TMC1: variants seen among roughly 807,000 people sequenced by gnomAD.
TMC1 encodes transmembrane channel-like protein 1.
In TMC1, 84 loss-of-function variants were observed where a neutral mutation model predicts 105.8. The observed-to-expected ratio is 0.79, with a 90% CI of 0.67 to 0.95. TMC1 has a LOEUF of 0.95. TMC1 is among the 40% of genes least tolerant of loss of function. TMC1 has a pLI of 0.00. For synonymous variants in TMC1, 315 were observed against 311.5 expected, an observed-to-expected ratio of 1.01 and a Z score of -0.12; for missense variants, 817 against 914.1, an observed-to-expected ratio of 0.89 and a Z score of 1.37.
intron 12 of TMC1, among the ~76,000 whole-genome samples, chr9:72,770,819 T>C (rs1222241808): frequency 1.3e-5 from 2 of 152,012 alleles, no homozygotes; most frequent in Admixed American, 1.3e-4. Flanking sequence ...AGATGAGATG[T>C]CCCAGCTCAA....
At chr9:72,522,291 C>T (rs1308734097) in intron 1 of TMC1, among the ~76,000 whole-genome samples, 3 of 152,048 alleles carry the variant, frequency 2.0e-5, no homozygotes, top group African/African-American at 4.8e-5. Context: ...TTAGTAGAGA[C>T]GGGGTTTCGC....
chr9:72,816,110 A>G, intron 18 of TMC1, 33 bp from the exon 19 acceptor site: 1 of 1,604,252 alleles, frequency 6.2e-7, no homozygotes, highest in Non-Finnish European at 8.5e-7. Flanking sequence ...ACCATGTGAG[A>G]CGCTAATCCA....
intron 2 of TMC1, among the ~76,000 whole-genome samples, chr9:72,592,568 G>T (rs1824656250): frequency 6.6e-6 from 1 of 152,114 alleles, no homozygotes; most frequent in East Asian, 1.9e-4. Flanking sequence ...CACCTCTCAG[G>T]CTTGGTCATG....
At chr9:72,721,057 A>G (rs1343143748) in intron 8 of TMC1, among the ~76,000 whole-genome samples, 1 of 152,234 alleles carries the variant, frequency 6.6e-6, no homozygotes, top group Non-Finnish European at 1.5e-5. Context: ...TCTATTATTA[A>G]GAATTTTAAG....
At chr9:72,616,863 T>C (rs1825139878) in intron 3 of TMC1, among the ~76,000 whole-genome samples, 1 of 152,024 alleles carries the variant, frequency 6.6e-6, no homozygotes, top group African/African-American at 2.4e-5. Context: ...GCTGGCTAGC[T>C]TTCATGGGAG....
At chr9:72,589,811 ACTT>A (rs1224044480) in intron 2 of TMC1, among the ~76,000 whole-genome samples, 20 of 152,218 alleles carry the variant, frequency 1.3e-4, no homozygotes, top group African/African-American at 4.6e-4. Context: ...TTTAGATGGA[ACTT>A]CTTCATTTTG....
chr9:72,820,579 T>C (rs1828850882), intron 19 of TMC1, among the ~76,000 whole-genome samples: 1 of 152,242 alleles, frequency 6.6e-6, no homozygotes, highest in South Asian at 2.1e-4. Context: ...TCACTAATGA[T>C]AGTAGGTATA....
intron 2 of TMC1, among the ~76,000 whole-genome samples, chr9:72,596,593 C>T (rs1644527912): frequency 7.1e-6 from 1 of 141,354 alleles, no homozygotes; most frequent in Admixed American, 7.0e-5. Context: ...ATTGAAAGTA[C>T]TTGCTTTCTC....
rs190229353 is a variant in TMC1 at position 72,769,322 on chromosome 9, A to C, written c.742-3091A>C. Among the ~76,000 whole-genome samples, 1,259 of 152,346 alleles carry C rather than the reference A, an allele frequency of 8.3e-3. 7 individuals are homozygous for C. The highest frequency in any genetic ancestry group is 0.013 in the Non-Finnish European group (860 of 68,036). Reference sequence around the variant, plus strand: ...ACAAGATTGTGAGCTCACCGGAAATATAACAAAGGGTAAGACCAGTGAAGG... The same window carrying C: ...ACAAGATTGTGAGCTCACCGGAAATCTAACAAAGGGTAAGACCAGTGAAGG... On this transcript the variant is annotated intron_variant, in intron 12 of 23. Transcript: ENST00000297784.
rs115310780 is a variant in TMC1 at position 72,643,262 on chromosome 9, G to A, written c.-52-5335G>A. Among the ~76,000 whole-genome samples the A allele has an allele frequency of 9.3e-3, 1,410 of 151,964 alleles. 25 individuals are homozygous for A. The highest frequency in any genetic ancestry group is 0.032 in the African/African-American group (1,319 of 41,440). On this transcript the variant is annotated intron_variant, in intron 4 of 23. Coordinates refer to ENST00000297784, the MANE Select transcript of TMC1 (RefSeq NM_138691.3). ...TATTTCATAACATACTCTCATTTGG[G>A]CCCATGCATGGCTTGTATTTCAATA...
intron 2 of TMC1, among the ~76,000 whole-genome samples, chr9:72,591,732 A>ATTTTT: frequency 6.6e-6 from 1 of 151,562 alleles, no homozygotes; most frequent in African/African-American, 2.4e-5. Context: ...CACCATGGCT[A>ATTTTT]TTTGTTTGTT....
At chr9:72,624,381 A>G (rs1474223889) in intron 3 of TMC1, among the ~76,000 whole-genome samples, 1 of 152,108 alleles carries the variant, frequency 6.6e-6, no homozygotes, top group East Asian at 1.9e-4. Flanking sequence ...TTATTTCCGT[A>G]GGGTTGTCCA....
chr9:72,529,411 C>G (rs1440055416), intron 1 of TMC1, among the ~76,000 whole-genome samples: 1 of 152,138 alleles, frequency 6.6e-6, no homozygotes, highest in African/African-American at 2.4e-5. Context: ...TGAATAGTCA[C>G]TGCACACTAG....
chr9:72,790,628 CTA>C (rs1828251359), intron 15 of TMC1, among the ~76,000 whole-genome samples: 8 of 152,028 alleles, frequency 5.3e-5, no homozygotes, highest in Admixed American at 5.2e-4. Flanking sequence ...AATAAAATAA[CTA>C]TTCTTTGTAA....
intron 2 of TMC1, among the ~76,000 whole-genome samples, chr9:72,605,389 G>A (rs941537481): frequency 1.3e-5 from 2 of 152,056 alleles, no homozygotes; most frequent in Admixed American, 6.6e-5. Flanking sequence ...CAGCACAGGT[G>A]CCTTAAATAA....
intron 2 of TMC1, among the ~76,000 whole-genome samples, chr9:72,612,882 C>A (rs192934733): frequency 6.6e-6 from 1 of 152,034 alleles, no homozygotes; most frequent in Admixed American, 6.6e-5. Flanking sequence ...ACAAGACAGC[C>A]CCCACAACAA....
chr9:72,755,419 G>A (rs1827663493), intron 12 of TMC1, among the ~76,000 whole-genome samples: 1 of 152,072 alleles, frequency 6.6e-6, no homozygotes, highest in Non-Finnish European at 1.5e-5. Flanking sequence ...ACTAAATAAA[G>A]CTAAATATTG....
intron 5 of TMC1, among the ~76,000 whole-genome samples, chr9:72,670,438 A>C (rs1826110822): frequency 6.6e-6 from 1 of 152,212 alleles, no homozygotes; most frequent in Admixed American, 6.5e-5. Context: ...TACCAGAACA[A>C]AGCCGAAGAC....
Position 72,805,483 on chromosome 9 carries a change from C to G in TMC1, c.1668C>G (p.Cys556Trp). 1 of 1,611,562 alleles carries G rather than the reference C, an allele frequency of 6.2e-7. No homozygotes were observed. Among genetic ancestry groups the G allele is most frequent in the Non-Finnish European group, 8.5e-7 (1 of 1,179,518 alleles). Reference sequence around the variant, plus strand: ...GTTTTGTGAGGTTTTGCAATTATTGCTGGTGCTGGGACTTGGAGTATGGAT... The same window carrying G: ...GTTTTGTGAGGTTTTGCAATTATTGGTGGTGCTGGGACTTGGAGTATGGAT... ...RACFVRFCNYCWCWDLEYGYP... is the reference protein window; with the variant it reads ...RACFVRFCNYWWCWDLEYGYP... The change falls in exon 18 of 24, where the codon TGC becomes TGG. Residue 556 changes from cysteine to tryptophan, a missense_variant. Cys to Trp is a radical substitution (Grantham distance 215). Coordinates refer to ENST00000297784, the MANE Select transcript of TMC1 (RefSeq NM_138691.3).
Sources: allele counts gnomAD v4.1 joint callset (sites outside exome capture counted in the v4.1 genomes callset), GRCh38; gene constraint gnomAD v4.1.1; transcripts MANE v1.5; gene names NCBI Gene and HGNC (gene_info 2026-07-23, HGNC 2026-07-21).